The following INPP4B variants were observed in gnomAD, a reference collection of about 807,000 sequenced individuals.
INPP4B encodes inositol polyphosphate 4-phosphatase type II.
INPP4B carries 55 observed loss-of-function variants against 122.5 expected under a neutral mutation model. The ratio of observed to expected loss-of-function variants is 0.45; its 90% CI spans 0.36 to 0.56. The LOEUF (loss-of-function observed/expected upper bound fraction) is 0.56, where lower values mean the gene tolerates loss of function less well. Among genes scored for constraint, INPP4B ranks in the 20% least tolerant of loss-of-function variants. The probability of loss-of-function intolerance (pLI) is 0.00; values close to 1 mark genes in which losing one functional copy is unlikely to be tolerated. For synonymous variants in INPP4B, 403 were observed against 388.7 expected, an observed-to-expected ratio of 1.04 and a Z score of -0.43; for missense variants, 1,000 against 1,097.7, an observed-to-expected ratio of 0.91 and a Z score of 1.26.
chr4:142,261,987 G>T (rs138491472), intron 10 of INPP4B, among the ~76,000 whole-genome samples: 1 of 151,992 alleles, frequency 6.6e-6, no homozygotes, highest in South Asian at 2.1e-4. Context: ...TGACCACCCC[G>T]AAGTCAGAGG....
chr4:142,842,605 A>G (rs116275454), intron 1 of INPP4B, among the ~76,000 whole-genome samples: 30,315 of 134,998 alleles, frequency 0.22, 3,672 homozygotes, highest in South Asian at 0.33. Flanking sequence ...TATTATATGT[A>G]TAATATATAA....
chr4:142,831,970 C>T (rs756477621), intron 1 of INPP4B, among the ~76,000 whole-genome samples: 3 of 152,148 alleles, frequency 2.0e-5, no homozygotes, highest in Non-Finnish European at 4.4e-5. Context: ...CACCATCCAG[C>T]GTAAACAAAC....
At chr4:142,173,102 C>T (rs902957840) in intron 16 of INPP4B, among the ~76,000 whole-genome samples, 2 of 152,038 alleles carry the variant, frequency 1.3e-5, no homozygotes, top group Non-Finnish European at 2.9e-5. Flanking sequence ...GATTATACTG[C>T]TTTTCAAATA....
chr4:142,405,649 C>A (rs1311024081), intron 5 of INPP4B, among the ~76,000 whole-genome samples: 1 of 152,104 alleles, frequency 6.6e-6, no homozygotes, highest in Non-Finnish European at 1.5e-5. Flanking sequence ...AAGCCCTGGG[C>A]TTTAAGTCAC....
intron 2 of INPP4B, among the ~76,000 whole-genome samples, chr4:142,711,397 C>A (rs986787496): frequency 6.6e-6 from 1 of 152,104 alleles, no homozygotes; most frequent in Non-Finnish European, 1.5e-5. Flanking sequence ...AGATTGAGCA[C>A]CACAGTAATT....
At chr4:142,147,090 C>A (rs533901046) in intron 17 of INPP4B, among the ~76,000 whole-genome samples, 234 of 152,256 alleles carry the variant, frequency 1.5e-3, no homozygotes, top group African/African-American at 5.6e-3. Context: ...AGGCATAATA[C>A]CCAGATAGAT....
intron 2 of INPP4B, among the ~76,000 whole-genome samples, chr4:142,716,845 C>T (rs944452067): frequency 2.0e-5 from 3 of 152,200 alleles, no homozygotes; most frequent in African/African-American, 7.2e-5. Context: ...TGTGTCAGTT[C>T]TGAACCTTGG....
At chr4:142,118,980 G>T (rs1344714005) in intron 21 of INPP4B, among the ~76,000 whole-genome samples, 1 of 152,114 alleles carries the variant, frequency 6.6e-6, no homozygotes, top group Non-Finnish European at 1.5e-5. Flanking sequence ...CAAAAAGTGG[G>T]CAAAGGATAT....
intron 20 of INPP4B, 39 bp downstream of exon 20, chr4:142,123,253 T>C (rs1005941172): frequency 3.4e-6 from 5 of 1,492,520 alleles, no homozygotes; most frequent in African/African-American, 2.8e-5. Flanking sequence ...TCCTTCTGAA[T>C]AGAAATGTGA....
chr4:142,064,456 C>G (rs1281989147), intron 25 of INPP4B, among the ~76,000 whole-genome samples: 1 of 151,962 alleles, frequency 6.6e-6, no homozygotes, highest in Non-Finnish European at 1.5e-5. Flanking sequence ...AACTTTATGA[C>G]CAAGTAATAC....
intron 2 of INPP4B, among the ~76,000 whole-genome samples, chr4:142,649,276 GA>G (rs1752441258): frequency 6.6e-6 from 1 of 152,218 alleles, no homozygotes; most frequent in East Asian, 1.9e-4. Context: ...AACTAGAACA[GA>G]AAAGCTGAAA....
At chr4:142,316,411 A>G (rs764709334) in intron 7 of INPP4B, among the ~76,000 whole-genome samples, 6 of 152,166 alleles carry the variant, frequency 3.9e-5, no homozygotes, top group Non-Finnish European at 8.8e-5. Context: ...TGGACAATGT[A>G]TTGTGTGTGC....
chr4:142,056,641 A>G (rs1180808396), intron 25 of INPP4B, among the ~76,000 whole-genome samples: 1 of 152,154 alleles, frequency 6.6e-6, no homozygotes, highest in Admixed American at 6.6e-5. Flanking sequence ...TACTTGTCAG[A>G]TGTTTTGGTT....
At chr4:142,257,158 C>A (rs1217477968) in intron 11 of INPP4B, among the ~76,000 whole-genome samples, 2 of 152,120 alleles carry the variant, frequency 1.3e-5, no homozygotes, top group East Asian at 3.8e-4. Context: ...TTCAACAACC[C>A]TTCATGCTAA....
At chr4:142,350,775 A>T (rs1320509432) in intron 7 of INPP4B, among the ~76,000 whole-genome samples, 1 of 152,018 alleles carries the variant, frequency 6.6e-6, no homozygotes, top group Non-Finnish European at 1.5e-5. Flanking sequence ...TTTTGTCTAC[A>T]TTGGAAAGCA....
At chr4:142,481,631 C>T (rs1820560807) in intron 2 of INPP4B, among the ~76,000 whole-genome samples, 1 of 151,718 alleles carries the variant, frequency 6.6e-6, no homozygotes, top group South Asian at 2.1e-4. Context: ...GTTGTATTAA[C>T]TCTCTTGAAA....
At chr4:142,782,280 A>G (rs1253059384) in intron 1 of INPP4B, among the ~76,000 whole-genome samples, 3 of 150,476 alleles carry the variant, frequency 2.0e-5, no homozygotes, top group East Asian at 1.9e-4. Context: ...ATGATTTCCA[A>G]TTTCATCCAT....
At chr4:142,532,380 A>G (rs1827722776) in intron 2 of INPP4B, among the ~76,000 whole-genome samples, 1 of 151,910 alleles carries the variant, frequency 6.6e-6, no homozygotes, top group African/African-American at 2.4e-5. Context: ...TCATCCCCTC[A>G]TCTTTATCCT....
intron 9 of INPP4B, among the ~76,000 whole-genome samples, chr4:142,297,835 T>C (rs1340944352): frequency 6.6e-6 from 1 of 152,180 alleles, no homozygotes; most frequent in African/African-American, 2.4e-5. Flanking sequence ...AAGTAAGGGA[T>C]GGCTGAGGGA....
Sources: allele counts gnomAD v4.1 joint callset (sites outside exome capture counted in the v4.1 genomes callset), GRCh38; gene constraint gnomAD v4.1.1; transcripts MANE v1.5; gene names NCBI Gene and HGNC (gene_info 2026-07-23, HGNC 2026-07-21).